The following TENM4 variants were observed in gnomAD, a reference collection of about 807,000 sequenced individuals.
TENM4 encodes teneurin transmembrane protein 4.
In TENM4, 82 loss-of-function variants were observed where a neutral mutation model predicts 243.3. That is an observed-to-expected ratio of 0.34 (90% CI 0.28 to 0.40). The LOEUF is 0.40. Ranked by LOEUF, TENM4 falls within the 10% of genes least tolerant of loss-of-function variation. The pLI, the probability that TENM4 is intolerant of heterozygous loss-of-function variation, is 1.00. For missense variants in TENM4, 3,138 were observed against 3,673.3 expected (o/e 0.85, Z 3.77); for synonymous variants, 1,412 against 1,456.3 (o/e 0.97, Z 0.69).
At chr11:79,335,759 A>G (rs1857137781) in intron 1 of TENM4, among the ~76,000 whole-genome samples, 1 of 152,168 alleles carries the variant, frequency 6.6e-6, no homozygotes, top group Admixed American at 6.5e-5. Context: ...TGTTTTGCAC[A>G]AAGAGGAGAG....
At chr11:79,232,335 A>G (rs1864388437) in intron 2 of TENM4, among the ~76,000 whole-genome samples, 2 of 152,216 alleles carry the variant, frequency 1.3e-5, no homozygotes, top group Non-Finnish European at 2.9e-5. Flanking sequence ...TAAGGCCAAG[A>G]GAGCATGCTG....
At chr11:78,994,674 G>A (rs1457989016) in intron 6 of TENM4, among the ~76,000 whole-genome samples, 4 of 152,184 alleles carry the variant, frequency 2.6e-5, no homozygotes, top group Non-Finnish European at 4.4e-5. Flanking sequence ...AGAGTGGAAG[G>A]GTGGGAAATG....
intron 18 of TENM4, among the ~76,000 whole-genome samples, chr11:78,767,272 G>A (rs1194541265): frequency 1.3e-5 from 2 of 152,222 alleles, no homozygotes; most frequent in Non-Finnish European, 2.9e-5. Context: ...TCCTTATCAT[G>A]AGGGAATAGT....
At chr11:78,855,224 A>G (rs1319022495) in intron 11 of TENM4, among the ~76,000 whole-genome samples, 1 of 152,224 alleles carries the variant, frequency 6.6e-6, no homozygotes, top group African/African-American at 2.4e-5. Context: ...CTTTTAGCTA[A>G]AAATCTTAAA....
chr11:79,182,493 A>G (rs1229484223), intron 3 of TENM4, among the ~76,000 whole-genome samples: 3 of 152,186 alleles, frequency 2.0e-5, no homozygotes, highest in Non-Finnish European at 2.9e-5. Context: ...ATAGGAAAAA[A>G]TCTAGGTGAT....
intron 4 of TENM4, among the ~76,000 whole-genome samples, chr11:79,080,450 C>A (rs1402505472): frequency 1.3e-5 from 2 of 152,210 alleles, no homozygotes; most frequent in African/African-American, 4.8e-5. Context: ...AGGAGGAATC[C>A]CTGGGCCGGG....
chr11:78,834,618 T>C (rs989377771), intron 12 of TENM4, among the ~76,000 whole-genome samples: 2 of 152,198 alleles, frequency 1.3e-5, no homozygotes, highest in African/African-American at 4.8e-5. Context: ...ATATGATACA[T>C]TTGGCTGTCA....
chr11:79,427,297 A>T (rs1859073237), intron 1 of TENM4, among the ~76,000 whole-genome samples: 1 of 152,242 alleles, frequency 6.6e-6, no homozygotes, highest in Non-Finnish European at 1.5e-5. Context: ...ACTGAAGAAA[A>T]TAAACAGACA....
At chr11:78,807,858 TCCAATTACATAACTGCTCTGTGCTTC>T (rs1418249363) in intron 14 of TENM4, among the ~76,000 whole-genome samples, 3 of 152,194 alleles carry the variant, frequency 2.0e-5, no homozygotes, top group Non-Finnish European at 4.4e-5. Context: ...AGGTCCATGG[TCCAATTACATAACTGCTCTGTGCTTC>T]CCATCTATAA....
intron 16 of TENM4, among the ~76,000 whole-genome samples, chr11:78,779,981 G>A (rs960170680): frequency 6.6e-6 from 1 of 152,216 alleles, no homozygotes; most frequent in African/African-American, 2.4e-5. Context: ...TGTGGTCTCT[G>A]GTTCAAGATG....
intron 4 of TENM4, among the ~76,000 whole-genome samples, chr11:79,116,979 T>C (rs558703967): frequency 1.3e-5 from 2 of 152,330 alleles, no homozygotes; most frequent in East Asian, 3.9e-4. Flanking sequence ...ACTCTCCAGT[T>C]CAGTTATTCA....
At chr11:79,340,242 G>A (rs985144833) in intron 1 of TENM4, among the ~76,000 whole-genome samples, 2 of 152,144 alleles carry the variant, frequency 1.3e-5, no homozygotes, top group East Asian at 3.9e-4. Context: ...TCCAATAAAG[G>A]GGCATTGGGT....
intron 6 of TENM4, among the ~76,000 whole-genome samples, chr11:79,041,329 G>T (rs547752455): frequency 2.0e-5 from 3 of 152,086 alleles, no homozygotes; most frequent in Non-Finnish European, 4.4e-5. Context: ...CTTCCAAAGT[G>T]CTGGGATTAT....
At chr11:79,119,481 G>A (rs1861694809) in intron 4 of TENM4, among the ~76,000 whole-genome samples, 1 of 152,170 alleles carries the variant, frequency 6.6e-6, no homozygotes, top group Admixed American at 6.5e-5. Flanking sequence ...ATCAAGGAAA[G>A]AAAGTCTCAG....
intron 6 of TENM4, among the ~76,000 whole-genome samples, chr11:79,038,913 G>C (rs571348375): frequency 1.3e-5 from 2 of 152,308 alleles, no homozygotes; most frequent in South Asian, 4.2e-4. Flanking sequence ...GAAAAGTAAG[G>C]TTTGAAACTT....
intron 1 of TENM4, among the ~76,000 whole-genome samples, chr11:79,392,138 C>T (rs1234627715): frequency 6.6e-6 from 1 of 152,176 alleles, no homozygotes; most frequent in Non-Finnish European, 1.5e-5. Context: ...TGGCTTAGCC[C>T]CAGGAACTCT....
chr11:79,143,290 T>C (rs907767944), intron 4 of TENM4, among the ~76,000 whole-genome samples: 40 of 152,206 alleles, frequency 2.6e-4, no homozygotes, highest in African/African-American at 9.4e-4. Context: ...TGCCCATCAA[T>C]GATAGACTGG....
At position 79,054,164 on chromosome 11, in the gene TENM4, G is replaced by A. The variant is rs192804435; in HGVS notation, c.493+10574C>T. Reference sequence around the variant, plus strand: ...TCCCCACAGCCCATAGTTACTCTACGGCTTATTAATCATCCCAATGACCAT... The same window carrying A: ...TCCCCACAGCCCATAGTTACTCTACAGCTTATTAATCATCCCAATGACCAT... On this transcript the variant is annotated intron_variant, in intron 6 of 33. Transcript: ENST00000278550. 1.7e-3 allele frequency among the ~76,000 whole-genome samples: 259 copies of A among 152,204 alleles called. 1 individual carries two copies. The highest frequency in any genetic ancestry group is 5.6e-3 in the African/African-American group (234 of 41,516).
chr11:78,870,197 A>C (rs1271072632), intron 9 of TENM4, among the ~76,000 whole-genome samples: 1 of 152,256 alleles, frequency 6.6e-6, no homozygotes, highest in Admixed American at 6.5e-5. Flanking sequence ...TGCCTGGTAC[A>C]TACCAGGAGC....
Sources: gnomAD v4.1 joint callset for allele counts (sites outside exome capture counted in the v4.1 genomes callset) on GRCh38, gnomAD v4.1.1 for gene constraint, MANE v1.5 for transcripts, NCBI Gene and HGNC (gene_info 2026-07-23, HGNC 2026-07-21) for gene names.